Variants in SMYD3 observed in about 807,000 individuals in gnomAD.
The protein encoded by SMYD3 is SET and MYND domain containing 3.
SMYD3 carries 36 observed loss-of-function variants against 57.7 expected under a neutral mutation model. The observed-to-expected ratio is 0.62, with a 90% CI of 0.48 to 0.82. SMYD3 has a LOEUF of 0.82. Ranked by LOEUF, SMYD3 falls within the 40% of genes least tolerant of loss-of-function variation. The pLI is 0.00. For missense variants in SMYD3, 515 were observed against 538.8 expected (o/e 0.96, Z 0.44); for synonymous variants, 211 against 195.0 (o/e 1.08, Z -0.68).
intron 5 of SMYD3, among the ~76,000 whole-genome samples, chr1:246,158,049 A>G (rs1028561282): frequency 3.8e-4 from 58 of 152,234 alleles, no homozygotes; most frequent in African/African-American, 1.3e-3. Flanking sequence ...TTAAATAAGT[A>G]AAGAGCCAGG....
intron 1 of SMYD3, among the ~76,000 whole-genome samples, chr1:246,361,712 G>A (rs1277490571): frequency 1.3e-5 from 2 of 152,126 alleles, no homozygotes; most frequent in African/African-American, 2.4e-5. Context: ...ACCAAACATC[G>A]TATGTTCTCA....
At chr1:245,867,257 C>T (rs1572548606) in intron 8 of SMYD3, among the ~76,000 whole-genome samples, 1 of 152,330 alleles carries the variant, frequency 6.6e-6, no homozygotes, top group African/African-American at 2.4e-5. Flanking sequence ...AACCAGTCCC[C>T]TGGAGTTTCC....
intron 1 of SMYD3, among the ~76,000 whole-genome samples, chr1:246,412,858 CAAAAAAAAA>C (rs35012889): frequency 1.7e-5 from 2 of 120,400 alleles, no homozygotes; most frequent in Non-Finnish European, 3.5e-5. Flanking sequence ...GACTCCGTCT[CAAAAAAAAA>C]AAAAAAAAGA....
In SMYD3 at chr1:246,408,998, TC is replaced by T. The variant is rs201192981; in HGVS notation, c.165-53905del. Among the ~76,000 whole-genome samples the T allele has an allele frequency of 5.6e-3, 843 of 150,048 alleles. 8 individuals are homozygous for T. The highest frequency in any genetic ancestry group is 0.02 in the African/African-American group (816 of 41,140). On this transcript the variant is annotated intron_variant, in intron 1 of 11. Transcript: ENST00000490107. ...TCTTTAAAGTATAAAACCTTAAGGT[TC>T]ATATCCTTCACCCACTTTTTGATGG...
intron 5 of SMYD3, among the ~76,000 whole-genome samples, chr1:246,221,836 C>T (rs114842533): frequency 0.014 from 2,178 of 152,222 alleles, 55 homozygotes; most frequent in African/African-American, 0.049. Context: ...CCTGCCAGGG[C>T]GAGTGGGTGG....
At chr1:246,268,981 T>TA (rs2064164826) in intron 5 of SMYD3, among the ~76,000 whole-genome samples, 1 of 152,036 alleles carries the variant, frequency 6.6e-6, no homozygotes, top group South Asian at 2.1e-4. Flanking sequence ...AGCTGAAGAG[T>TA]AAAAAGTTAC....
intron 1 of SMYD3, among the ~76,000 whole-genome samples, chr1:246,395,764 GGAAGAGGAA>G (rs1191908894): frequency 3.7e-4 from 55 of 149,304 alleles, no homozygotes; most frequent in African/African-American, 8.8e-4. Context: ...AGTCAGACAG[GGAAGAGGAA>G]CCCACCATGG....
At chr1:245,885,265 T>C (rs1019953660) in intron 8 of SMYD3, among the ~76,000 whole-genome samples, 2 of 152,220 alleles carry the variant, frequency 1.3e-5, no homozygotes, top group African/African-American at 4.8e-5. Context: ...ACACTCACCA[T>C]GAGGGTCTGC....
In SMYD3 at chr1:245,834,726, G is replaced by A. The variant is rs148500855; in HGVS notation, c.1076+23770C>T. On this transcript the variant is annotated intron_variant, in intron 10 of 11. Coordinates refer to ENST00000490107, the MANE Select transcript of SMYD3 (RefSeq NM_001167740.2). ...CAGGGAGTAATCACCATTTCAGCCC[G>A]TACATGGGAGGCCAGAAAGGGAGAT... is the stretch of plus-strand genomic sequence containing the variant. Among the ~76,000 whole-genome samples the A allele has an allele frequency of 7.4e-3, 1,130 of 152,292 alleles. 7 individuals are homozygous for A. Among genetic ancestry groups the A allele is most frequent in the South Asian group, 0.02 (94 of 4,814 alleles).
chr1:246,047,453 T>C (rs1291133882), intron 5 of SMYD3, among the ~76,000 whole-genome samples: 2 of 152,176 alleles, frequency 1.3e-5, no homozygotes, highest in African/African-American at 4.8e-5. Flanking sequence ...CATATGTGCA[T>C]CTCCACCTGT....
chr1:245,953,699 A>C lies in SMYD3; in HGVS notation c.532-23762T>G, dbSNP rs372222448. On this transcript the variant is annotated intron_variant, in intron 5 of 11. Transcript: ENST00000490107. ...CTCCCAAAGTGCCGGGATCACAGGC[A>C]TGAGCCACCGTGCCTGGCCAAGTAG... Among the ~76,000 whole-genome samples, 7 of 152,266 alleles carry C rather than the reference A, an allele frequency of 4.6e-5. No individual in the cohort carries two copies. The South Asian group carries it at 1.2e-3, about 27-fold the overall frequency.
intron 5 of SMYD3, among the ~76,000 whole-genome samples, chr1:246,308,632 G>A (rs999596630): frequency 6.6e-6 from 1 of 152,154 alleles, no homozygotes; most frequent in Admixed American, 6.6e-5. Context: ...TTAAGAGGAA[G>A]AATGGTTCAC....
rs562086242 is a variant in SMYD3 at position 246,175,645 on chromosome 1, CAG to C, written c.531+151554_531+151555del. 3.7e-3 allele frequency among the ~76,000 whole-genome samples: 566 copies of C among 152,272 alleles called. 2 individuals are homozygous for C. The highest frequency in any genetic ancestry group is 0.013 in the African/African-American group (548 of 41,560). ...TGGTCATTCACTCAATTTGGGGAAA[CAG>C]AGTATCTTCTAATCTGTTAGGATTT... On this transcript the variant is annotated intron_variant, in intron 5 of 11. Coordinates refer to ENST00000490107, the MANE Select transcript of SMYD3 (RefSeq NM_001167740.2).
chr1:246,208,821 A>G (rs1353404668), intron 5 of SMYD3, among the ~76,000 whole-genome samples: 1 of 152,094 alleles, frequency 6.6e-6, no homozygotes, highest in African/African-American at 2.4e-5. Context: ...AGCTGAATCA[A>G]TAATATTAAA....
intron 10 of SMYD3, among the ~76,000 whole-genome samples, chr1:245,782,727 T>C (rs2046882753): frequency 6.6e-6 from 1 of 152,182 alleles, no homozygotes; most frequent in Non-Finnish European, 1.5e-5. Flanking sequence ...TAAATACCTA[T>C]TAAGATATAA....
intron 1 of SMYD3, among the ~76,000 whole-genome samples, chr1:246,440,668 TC>T (rs1298196616): frequency 1.3e-5 from 2 of 152,088 alleles, no homozygotes; most frequent in Admixed American, 6.5e-5. Context: ...ATGTTGAAGA[TC>T]TTCGATGTGA....
chr1:245,859,586 A>G (rs1164275430), intron 9 of SMYD3, among the ~76,000 whole-genome samples: 1 of 152,194 alleles, frequency 6.6e-6, no homozygotes, highest in Non-Finnish European at 1.5e-5. Flanking sequence ...TGGGAAACAC[A>G]GCGAAGGCCA....
intron 5 of SMYD3, among the ~76,000 whole-genome samples, chr1:245,931,796 G>A (rs1377179769): frequency 5.3e-5 from 8 of 152,206 alleles, no homozygotes; most frequent in African/African-American, 1.9e-4. Flanking sequence ...AGTCCTCTGA[G>A]ACTCTTCCAC....
chr1:246,091,857 C>A (rs1203251722), intron 5 of SMYD3, among the ~76,000 whole-genome samples: 1 of 152,150 alleles, frequency 6.6e-6, no homozygotes, highest in Non-Finnish European at 1.5e-5. Flanking sequence ...TTTATATAAA[C>A]GTTTAATAAT....
Sources: allele counts gnomAD v4.1 joint callset (sites outside exome capture counted in the v4.1 genomes callset), GRCh38; gene constraint gnomAD v4.1.1; transcripts MANE v1.5; gene names NCBI Gene and HGNC (gene_info 2026-07-23, HGNC 2026-07-21).